STX11: variants seen among roughly 807,000 people sequenced by gnomAD.
The protein encoded by STX11 is syntaxin-11.
Under a neutral mutation model 19.9 loss-of-function variants are expected in STX11, and 21 were observed. The ratio of observed to expected loss-of-function variants is 1.06; its 90% CI spans 0.75 to 1.52. The LOEUF is 1.52. Among genes scored for constraint, STX11 ranks in the 40% most tolerant of loss-of-function variants. The pLI, the probability that STX11 is intolerant of heterozygous loss-of-function variation, is 0.00. For missense variants in STX11, 438 were observed against 405.9 expected (o/e 1.08, Z -0.68); for synonymous variants, 193 against 174.4 (o/e 1.11, Z -0.84).
Position 144,191,378 on chromosome 6 carries a change from TAAAAAG to T in STX11, c.*3889_*3894del, listed in dbSNP as rs1320620056. ...TTTATGGCCTTTTAAGGTAACAACT[TAAAAAG>T]AGAACAGTACTCTTTTTATATCAAT... On this transcript the variant is annotated 3_prime_UTR_variant, in exon 2 of 2. Coordinates refer to ENST00000367568, the MANE Select transcript of STX11 (RefSeq NM_003764.4). Among the ~76,000 whole-genome samples the T allele has an allele frequency of 2.0e-5, 3 of 151,146 alleles. No individual in the cohort carries two copies. Among genetic ancestry groups the T allele is most frequent in the Admixed American group, 6.6e-5 (1 of 15,132 alleles).
In STX11 at chr6:144,177,958, A is replaced by G. The variant is rs1252504617; in HGVS notation, c.-5-8665A>G. Among the ~76,000 whole-genome samples the G allele has an allele frequency of 2.0e-5, 3 of 152,216 alleles. No homozygotes were observed. The highest frequency in any genetic ancestry group is 7.2e-5 in the African/African-American group (3 of 41,446). ...GTTGCAATGTTGGGGAAACTCTGAT[A>G]TGAAGAAATTTGTGTGGGAAAGAAA... On this transcript the variant is annotated intron_variant, in intron 1 of 1. Transcript: ENST00000367568. This position sits in a 1 kb window ranked among gnomAD's most constrained non-coding sequence, Gnocchi z 4.4.
Position 144,175,464 on chromosome 6 carries a change from G to A in STX11, c.-5-11159G>A, listed in dbSNP as rs1395423982. 6.6e-6 allele frequency among the ~76,000 whole-genome samples: 1 copy of A among 151,874 alleles called. No homozygotes were observed. Among genetic ancestry groups the A allele is most frequent in the Non-Finnish European group, 1.5e-5 (1 of 67,968 alleles). ...TGGGACTACAGGTATATGCCACCAC[G>A]CCCAGCTGATTTTTGTATTTTCAGT... On this transcript the variant is annotated intron_variant, in intron 1 of 1. Transcript: ENST00000367568. The surrounding 1 kb of genome is among the most constrained non-coding windows in gnomAD (Gnocchi z 5.1).
intron 1 of STX11, among the ~76,000 whole-genome samples, chr6:144,173,204 C>G (rs1048391069): frequency 2.0e-5 from 3 of 152,182 alleles, no homozygotes; most frequent in African/African-American, 7.2e-5. Flanking sequence ...ATTTTTAGGC[C>G]AAGGTTGTGT....
chr6:144,182,160 A>G lies in STX11; in HGVS notation c.-5-4463A>G, dbSNP rs558518579. Among the ~76,000 whole-genome samples, 4 of 152,332 alleles carry G rather than the reference A, an allele frequency of 2.6e-5. No individual in the cohort carries two copies. The highest frequency in any genetic ancestry group is 5.9e-5 in the Non-Finnish European group (4 of 68,032). On this transcript the variant is annotated intron_variant, in intron 1 of 1. Coordinates refer to ENST00000367568, the MANE Select transcript of STX11 (RefSeq NM_003764.4). This position sits in a 1 kb window ranked among gnomAD's most constrained non-coding sequence, Gnocchi z 4.8. Reference sequence around the variant, plus strand: ...GGAACTCATAGTACAGAATCAAGCTATGGGATATATAGGTTATTTTGATTC... The same window carrying G: ...GGAACTCATAGTACAGAATCAAGCTGTGGGATATATAGGTTATTTTGATTC...
intron 1 of STX11, among the ~76,000 whole-genome samples, chr6:144,181,014 C>A (rs532527745): frequency 2.0e-5 from 3 of 152,188 alleles, no homozygotes; most frequent in Admixed American, 2.0e-4. Flanking sequence ...AATTTTCCAT[C>A]ATAAAATGAA....
At chr6:144,142,066 A>G in the STX11 span, among the ~76,000 whole-genome samples, 13 of 151,376 alleles carry the variant, frequency 8.6e-5, no homozygotes, top group East Asian at 2.0e-3. Flanking sequence ...TTTGAGTCTG[A>G]AGTCTTCTGC....
At position 144,187,313 on chromosome 6, in the gene STX11, T is replaced by TG. The variant is rs1554294422; in HGVS notation, c.687dup (p.Gln230AlafsTer125). ...ATCCGCGACGTACACGAGCTCTTCT[T>TG]GCAGATGGCGGTGCTGGTGGAGAAG... On this transcript the variant is annotated frameshift_variant, in exon 2 of 2. Coordinates refer to ENST00000367568, the MANE Select transcript of STX11 (RefSeq NM_003764.4). LOFTEE classifies it high-confidence loss of function. The surrounding 1 kb of genome is among the most constrained non-coding windows in gnomAD (Gnocchi z 5.6). 1.2e-6 allele frequency: 2 copies of TG among 1,611,728 alleles called. No homozygotes were observed. Among genetic ancestry groups the TG allele is most frequent in the South Asian group, 2.2e-5 (2 of 91,084 alleles).
At chr6:144,179,751 A>G (rs1314382718) in intron 1 of STX11, among the ~76,000 whole-genome samples, 1 of 152,236 alleles carries the variant, frequency 6.6e-6, no homozygotes, top group African/African-American at 2.4e-5. Flanking sequence ...CAAAGATACT[A>G]TATAAGCCCA....
intron 1 of STX11, among the ~76,000 whole-genome samples, chr6:144,161,169 T>C (rs1801327540): frequency 6.6e-6 from 1 of 152,326 alleles, no homozygotes; most frequent in Admixed American, 6.5e-5. Context: ...TATATTTTCA[T>C]GAAGAATTTG....
In STX11 at chr6:144,187,344, C is replaced by T; in HGVS notation, c.717C>T (p.Ala239=). Residue 239 remains alanine, a synonymous_variant, in exon 2 of 2, where the codon GCC becomes GCT. Coordinates refer to ENST00000367568, the MANE Select transcript of STX11 (RefSeq NM_003764.4). The surrounding 1 kb of genome is among the most constrained non-coding windows in gnomAD (Gnocchi z 5.6). ...TGGCGGTGCTGGTGGAGAAGCAGGC[C>T]GACACCCTGAACGTCATCGAGCTCA... ...LQMAVLVEKQ[A]DTLNVIELNV... 2 of 1,610,434 alleles carry T rather than the reference C, an allele frequency of 1.2e-6. No individual in the cohort carries two copies. Among genetic ancestry groups the T allele is most frequent in the Non-Finnish European group, 8.5e-7 (1 of 1,179,944 alleles).
intron 1 of STX11, among the ~76,000 whole-genome samples, chr6:144,163,079 G>T (rs964713643): frequency 6.6e-6 from 1 of 152,128 alleles, no homozygotes; most frequent in Non-Finnish European, 1.5e-5. Flanking sequence ...TAAATTCATT[G>T]TAAATACATA....
chr6:144,156,022 C>CCT lies in STX11; in HGVS notation c.-6+5319_-6+5320insCT, dbSNP rs1179990490. Reference sequence around the variant, plus strand: ...TCTTTCTTTCTTTCTTTCTCTCTTTCTCTCCTTCCTTCCTTCCTTCCTTCC... The same window carrying CCT: ...TCTTTCTTTCTTTCTTTCTCTCTTTCCTTCTCCTTCCTTCCTTCCTTCCTTCC... On this transcript the variant is annotated intron_variant, in intron 1 of 1. Coordinates refer to ENST00000367568, the MANE Select transcript of STX11 (RefSeq NM_003764.4). Among the ~76,000 whole-genome samples the CCT allele has an allele frequency of 9.1e-3, 1,169 of 127,810 alleles. 89 individuals carry two copies. Among genetic ancestry groups the CCT allele is most frequent in the African/African-American group, 0.041 (1,053 of 25,580 alleles). 83.8% of individuals were successfully genotyped at this position (127,810 alleles called of 152,430 possible).
At position 144,175,867 on chromosome 6, in the gene STX11, G is replaced by T. The variant is rs17073482; in HGVS notation, c.-5-10756G>T. Among the ~76,000 whole-genome samples, 66 of 152,286 alleles carry T rather than the reference G, an allele frequency of 4.3e-4. No individual in the cohort carries two copies. Among genetic ancestry groups the T allele is most frequent in the South Asian group, 2.9e-3 (14 of 4,830 alleles). On this transcript the variant is annotated intron_variant, in intron 1 of 1. Transcript: ENST00000367568. The surrounding 1 kb of genome is among the most constrained non-coding windows in gnomAD (Gnocchi z 5.1). ...AGGCCAAAGGGTCTCGTTAGTGACC[G>T]ATAAAGACAAGGTTGGAAGATGTGG...
At chr6:144,146,219 C>G (rs1365727489), upstream of STX11, among the ~76,000 whole-genome samples, 1 of 152,118 alleles carries the variant, frequency 6.6e-6, no homozygotes, top group East Asian at 1.9e-4. This position sits in a 1 kb window ranked among gnomAD's most constrained non-coding sequence, Gnocchi z 4.4. Context: ...GGATGATGGC[C>G]ACGGCTGACA....
At chr6:144,173,003 G>A (rs1801680875) in intron 1 of STX11, among the ~76,000 whole-genome samples, 1 of 152,168 alleles carries the variant, frequency 6.6e-6, no homozygotes, top group Non-Finnish European at 1.5e-5. Flanking sequence ...TCCTTGATTA[G>A]GACCCAGCTC....
At position 144,162,198 on chromosome 6, in the gene STX11, C is replaced by A. The variant is rs1208891498; in HGVS notation, c.-6+11495C>A. ...TCTGACCAAACCCAACTTGTTATTA[C>A]CCCACCATCACGCCCTTTCCCGTAG... On this transcript the variant is annotated intron_variant, in intron 1 of 1. Transcript: ENST00000367568. This position sits in a 1 kb window ranked among gnomAD's most constrained non-coding sequence, Gnocchi z 4.6. Among the ~76,000 whole-genome samples the A allele has an allele frequency of 6.6e-6, 1 of 152,210 alleles. No individual in the cohort carries two copies. Among genetic ancestry groups the A allele is most frequent in the African/African-American group, 2.4e-5 (1 of 41,448 alleles).
At position 144,167,686 on chromosome 6, in the gene STX11, A is replaced by G. The variant is rs903824221; in HGVS notation, c.-6+16983A>G. On this transcript the variant is annotated intron_variant, in intron 1 of 1. Transcript: ENST00000367568. This position sits in a 1 kb window ranked among gnomAD's most constrained non-coding sequence, Gnocchi z 5.0. ...CAGGTTAAAGTGCAGTGGCACGATCACAGCTCACTGAAGCCTTAACCTCCT... is the reference window on the plus strand; with the variant it reads ...CAGGTTAAAGTGCAGTGGCACGATCGCAGCTCACTGAAGCCTTAACCTCCT... Among the ~76,000 whole-genome samples, 1 of 152,188 alleles carries G rather than the reference A, an allele frequency of 6.6e-6. No individual in the cohort carries two copies. The highest frequency in any genetic ancestry group is 2.4e-5 in the African/African-American group (1 of 41,448).
At position 144,150,669 on chromosome 6, in the gene STX11, G is replaced by A. The variant is rs1800979583; in HGVS notation, c.-40G>A. On this transcript the variant is annotated 5_prime_UTR_variant, in exon 1 of 2. Coordinates refer to ENST00000367568, the MANE Select transcript of STX11 (RefSeq NM_003764.4). ...GGGGACGCGCGCCCTGCCGGGAGAG[G>A]GGCTTCTCGGTTCGCACTCTCGCTC... The A allele has an allele frequency of 1.0e-6, 1 of 985,306 alleles. No individual in the cohort carries two copies. The highest frequency in any genetic ancestry group is 4.7e-5 in the South Asian group (1 of 21,276). The allele number at this position is 985,306 out of a possible 1,614,324, so 61.0% of individuals were successfully genotyped here.
At chr6:144,143,314 A>G in the STX11 span, among the ~76,000 whole-genome samples, 1 of 152,200 alleles carries the variant, frequency 6.6e-6, no homozygotes, top group Non-Finnish European at 1.5e-5. Context: ...TTTGGAGACT[A>G]TGCTCTAGCT....
Sources: allele counts gnomAD v4.1 joint callset (sites outside exome capture counted in the v4.1 genomes callset), GRCh38; gene constraint gnomAD v4.1.1; non-coding constraint Gnocchi (gnomAD v3.1); transcripts MANE v1.5; gene names NCBI Gene and HGNC (gene_info 2026-07-23, HGNC 2026-07-21).